The following ZNF141 variants were observed in gnomAD, a reference collection of about 807,000 sequenced individuals.
ZNF141 encodes the protein zinc finger protein 141 (clone pHZ-44).
A neutral mutation model predicts 11.3 loss-of-function variants in ZNF141; 7 were observed. The ratio of observed to expected loss-of-function variants is 0.62; its 90% confidence interval spans 0.35 to 1.16. ZNF141 has a LOEUF of 1.16. Ranked by LOEUF, ZNF141 falls within the 50% of genes most tolerant of loss-of-function variation. The pLI is 0.02. For missense variants in ZNF141, 535 were observed against 554.0 expected (o/e 0.97, Z 0.34); for synonymous variants, 183 against 190.7 (o/e 0.96, Z 0.33).
At chr4:351,863 G>A (rs543379428) in intron 3 of ZNF141, among the ~76,000 whole-genome samples, 1 of 152,318 alleles carries the variant, frequency 6.6e-6, no homozygotes, top group South Asian at 2.1e-4. Flanking sequence ...CAGAGGCAGT[G>A]AGGGTTTGGA....
intron 3 of ZNF141, among the ~76,000 whole-genome samples, chr4:366,811 A>C (rs1711766192): frequency 6.6e-6 from 1 of 152,186 alleles, no homozygotes; most frequent in Non-Finnish European, 1.5e-5. Context: ...AGTAGCTGGG[A>C]GTAGCTGGAC....
rs1278291816 is a variant in ZNF141 at position 383,741 on chromosome 4, C to A, written c.*9879C>A. 2 of 152,566 alleles carry A rather than the reference C, an allele frequency of 1.3e-5. No individual in the cohort carries two copies. Among genetic ancestry groups the A allele is most frequent in the African/African-American group, 2.4e-5 (1 of 41,472 alleles). The allele number at this position is 152,566 out of a possible 1,614,324, so 9.5% of individuals were successfully genotyped here. On this transcript the variant is annotated 3_prime_UTR_variant, in exon 4 of 4. Coordinates refer to ENST00000240499, the MANE Select transcript of ZNF141 (RefSeq NM_003441.4). ...AGAAAAGGACAGTGCCTTGGAGTGG[C>A]CGTGGGCCAAGCACAGGCCATGCCT...
intron 3 of ZNF141, among the ~76,000 whole-genome samples, chr4:350,882 G>A (rs1721562723): frequency 6.6e-6 from 1 of 151,860 alleles, no homozygotes; most frequent in African/African-American, 2.4e-5. Flanking sequence ...TGGGATTACA[G>A]GTGCTTGCCA....
Position 358,888 on chromosome 4 carries a change from T to G in ZNF141, c.227-13776T>G, listed in dbSNP as rs1352156875. Among the ~76,000 whole-genome samples, 4 of 152,332 alleles carry G rather than the reference T, an allele frequency of 2.6e-5. No homozygotes were observed. In the East Asian group the frequency reaches 7.7e-4, roughly 29 times the overall value. ...CTCGCCTGGACTCTTATTGAGATTT[T>G]TTAAGATAATTACTTTGAATTCTCT... On this transcript the variant is annotated intron_variant, in intron 3 of 3. Transcript: ENST00000240499.
intron 3 of ZNF141, chr4:358,417 C>G: frequency 7.4e-6 from 2 of 270,696 alleles, no homozygotes; most frequent in South Asian, 6.2e-5. Flanking sequence ...AACTCCTGAC[C>G]TCAAGTGATC....
chr4:358,620 C>T (rs576670132), intron 3 of ZNF141: 1 of 154,072 alleles, frequency 6.5e-6, no homozygotes, highest in Admixed American at 6.5e-5. Context: ...GTTCTGTTGC[C>T]AAGCTGGAGT....
At chr4:352,094 A>G (rs1461145174) in intron 3 of ZNF141, among the ~76,000 whole-genome samples, 2 of 152,166 alleles carry the variant, frequency 1.3e-5, no homozygotes, top group Non-Finnish European at 2.9e-5. Flanking sequence ...AAGATTAGAA[A>G]CAAGGTAGGA....
chr4:355,796 G>A (rs926633264), intron 3 of ZNF141, among the ~76,000 whole-genome samples: 23 of 152,260 alleles, frequency 1.5e-4, no homozygotes, highest in African/African-American at 5.3e-4. Context: ...ATGCTGAGAT[G>A]TCCGAGAGCA....
rs570676182 is a variant in ZNF141, at chr4:362,990, T to C, written c.227-9674T>C. Among the ~76,000 whole-genome samples, 8 of 152,380 alleles carry C rather than the reference T, an allele frequency of 5.3e-5. No individual in the cohort carries two copies. The South Asian group carries it at 1.4e-3, about 28-fold the overall frequency. On this transcript the variant is annotated intron_variant, in intron 3 of 3. Transcript: ENST00000240499. The stretch of plus-strand genomic sequence containing the variant: ...GGGCAGTATGGCCATTTTCATGATA[T>C]TGATTCTTCCTATCCATGAGCATGG...
Position 384,602 on chromosome 4 carries a change from CTCTT to C in ZNF141, c.*10743_*10746del, listed in dbSNP as rs1351183624. ...CATAAATATTTTGGTTTTAGCTTCA[CTCTT>C]TCCACCTGCTGTCGGTTTTGCTTGG... On this transcript the variant is annotated 3_prime_UTR_variant, in exon 4 of 4. Coordinates refer to ENST00000240499, the MANE Select transcript of ZNF141 (RefSeq NM_003441.4). 5.2e-5 allele frequency: 8 copies of C among 152,394 alleles called. No individual in the cohort carries two copies. The highest frequency in any genetic ancestry group is 1.4e-4 in the African/African-American group (6 of 41,572). The allele number at this position is 152,394 out of a possible 1,614,324, so 9.4% of individuals were successfully genotyped here.
At chr4:361,522 C>T (rs1436741823) in intron 3 of ZNF141, among the ~76,000 whole-genome samples, 1 of 151,914 alleles carries the variant, frequency 6.6e-6, no homozygotes, top group African/African-American at 2.4e-5. Context: ...AATGTTATCC[C>T]TCTCCCCGCC....
In ZNF141 at chr4:351,527, GA is replaced by G. The variant is rs538833836; in HGVS notation, c.226+7100del. ...GCGTGAGCAACCATGCCTGGCCGGA[GA>G]AACATTTATACTTCCATATACTTGT... On this transcript the variant is annotated intron_variant, in intron 3 of 3. Coordinates refer to ENST00000240499, the MANE Select transcript of ZNF141 (RefSeq NM_003441.4). 5.9e-5 allele frequency among the ~76,000 whole-genome samples: 9 copies of G among 152,246 alleles called. No homozygotes were observed. In the East Asian group the frequency reaches 1.7e-3, roughly 29 times the overall value.
intron 3 of ZNF141, among the ~76,000 whole-genome samples, chr4:356,892 T>G (rs1553851272): frequency 6.6e-6 from 1 of 151,440 alleles, no homozygotes; most frequent in Non-Finnish European, 1.5e-5. Context: ...ATCTACTAGT[T>G]TTTTTTTTGT....
intron 3 of ZNF141, among the ~76,000 whole-genome samples, chr4:356,572 A>G (rs1721850637): frequency 6.6e-6 from 1 of 151,986 alleles, no homozygotes; most frequent in African/African-American, 2.4e-5. Context: ...TCAGCCTCCC[A>G]AAGTGCTGGA....
At chr4:339,501 A>G (rs370321315) in intron 1 of ZNF141, among the ~76,000 whole-genome samples, 27 of 50,164 alleles carry the variant, frequency 5.4e-4, no homozygotes, top group East Asian at 4.1e-3. Flanking sequence ...CAAGAATTCA[A>G]CGTTAGTGAG....
chr4:342,484 C>T (rs1721096038), intron 1 of ZNF141, among the ~76,000 whole-genome samples: 1 of 152,158 alleles, frequency 6.6e-6, no homozygotes, highest in South Asian at 2.1e-4. Flanking sequence ...TATAATGGGT[C>T]TAGAGGGAGG....
chr4:349,413 C>CT (rs1310035951), intron 3 of ZNF141, among the ~76,000 whole-genome samples: 1 of 152,138 alleles, frequency 6.6e-6, no homozygotes, highest in South Asian at 2.1e-4. Context: ...CAAACAGTAA[C>CT]TTTTTTATTT....
intron 3 of ZNF141, among the ~76,000 whole-genome samples, chr4:357,743 G>T (rs1225264309): frequency 2.3e-5 from 3 of 128,128 alleles, no homozygotes; most frequent in Middle Eastern, 0.011. Flanking sequence ...GTCTCACTCT[G>T]TTGCCCAGGC....
intron 3 of ZNF141, among the ~76,000 whole-genome samples, chr4:365,958 A>C (rs1314814823): frequency 6.6e-6 from 1 of 152,194 alleles, no homozygotes; most frequent in Non-Finnish European, 1.5e-5. Context: ...TAGTTTCATG[A>C]ATTTATTACT....
Sources: allele counts gnomAD v4.1 joint callset (sites outside exome capture counted in the v4.1 genomes callset), GRCh38; gene constraint gnomAD v4.1.1; transcripts MANE v1.5; gene names NCBI Gene and HGNC (gene_info 2026-07-23, HGNC 2026-07-21).